NFKB1: variants seen among roughly 807,000 people sequenced by gnomAD.
NFKB1 encodes the protein nuclear factor NF-kappa-B p105 subunit.
NFKB1 carries 9 observed loss-of-function variants against 105.1 expected under a neutral mutation model. That is an observed-to-expected ratio of 0.09 (90% confidence interval 0.05 to 0.15). The LOEUF is 0.15. Ranked by LOEUF, NFKB1 falls within the 10% of genes least tolerant of loss-of-function variation. The pLI is 1.00. For synonymous variants in NFKB1, 440 were observed against 442.2 expected (o/e 1.00, Z 0.06); for missense variants, 830 against 1,203.7 (o/e 0.69, Z 4.59).
intron 20 of NFKB1, among the ~76,000 whole-genome samples, chr4:102,611,072 G>C (rs1728364313): frequency 6.6e-6 from 1 of 152,150 alleles, no homozygotes; most frequent in Admixed American, 6.5e-5. Flanking sequence ...GTGATTTCAG[G>C]ATGTAAAAAT....
chr4:102,578,923 C>A lies in NFKB1; in HGVS notation c.614C>A (p.Thr205Asn). The stretch of plus-strand genomic sequence containing the variant: ...ATCCGCCAAGCAGCTCTGCAGCAGA[C>A]CAAGGAGATGGACCTCAGCGTGGTG... Reference protein sequence around the residue: ...ELIRQAALQQTKEMDLSVVRL... With the variant: ...ELIRQAALQQNKEMDLSVVRL... Residue 205 changes from threonine (T) to asparagine (N), a missense_variant, in exon 8 of 24, where the codon ACC becomes AAC. Thr to Asn is a moderately conservative substitution (Grantham distance 65). This residue lies in a region of NFKB1 where 80 missense variants were observed against 122.6 expected (regional missense o/e 0.65). Transcript: ENST00000226574. 6.2e-7 allele frequency: 1 copy of A among 1,614,084 alleles called. No individual in the cohort carries two copies. Among genetic ancestry groups the A allele is most frequent in the Non-Finnish European group, 8.5e-7 (1 of 1,179,998 alleles).
intron 4 of NFKB1, chr4:102,537,593 C>T (rs1244231407): frequency 3.5e-6 from 1 of 285,052 alleles, no homozygotes; most frequent in African/African-American, 2.2e-5. Context: ...GATTACTCTC[C>T]ACACATGCAT....
In NFKB1 at chr4:102,617,117, A is replaced by AAAC. The variant is rs1295738630; in HGVS notation, c.*524_*525insACA. 34 of 152,196 alleles carry AAAC rather than the reference A, an allele frequency of 2.2e-4. No individual in the cohort carries two copies. The highest frequency in any genetic ancestry group is 7.5e-4 in the African/African-American group (31 of 41,186). The allele number at this position is 152,196 out of a possible 1,614,324, so 9.4% of individuals were successfully genotyped here. A position where few individuals can be genotyped will look rare whatever the true frequency, so the allele number is the denominator to read the frequency against. On this transcript the variant is annotated 3_prime_UTR_variant, in exon 24 of 24. Coordinates refer to ENST00000226574, the MANE Select transcript of NFKB1 (RefSeq NM_003998.4). ...GATTTGCAAAAAAAAAAAAAAAAAAAATACTTGTCAATATTTAAACATGGT... is the reference window on the plus strand; with the variant it reads ...GATTTGCAAAAAAAAAAAAAAAAAAAAACATACTTGTCAATATTTAAACATGGT...
intron 16 of NFKB1, among the ~76,000 whole-genome samples, chr4:102,604,208 CATAG>C (rs1235567891): frequency 6.6e-6 from 1 of 152,106 alleles, no homozygotes. Context: ...ACTTGAAATA[CATAG>C]ATATTTTCAT....
intron 11 of NFKB1, among the ~76,000 whole-genome samples, chr4:102,585,310 AG>A (rs1725628392): frequency 6.6e-6 from 1 of 152,224 alleles, no homozygotes; most frequent in South Asian, 2.1e-4. Context: ...AAGAGACAGT[AG>A]TATATTATTT....
intron 9 of NFKB1, among the ~76,000 whole-genome samples, chr4:102,581,028 A>G (rs1725280921): frequency 6.6e-6 from 1 of 152,182 alleles, no homozygotes; most frequent in Admixed American, 6.5e-5. Flanking sequence ...AATTGTTTTT[A>G]TTTCTTTTGC....
chr4:102,606,540 G>A lies in NFKB1; in HGVS notation c.1797G>A (p.Val599=), dbSNP rs1487612832. Residue 599 remains valine, a synonymous_variant, in exon 17 of 24, where the codon GTG becomes GTA. Coordinates refer to ENST00000226574, the MANE Select transcript of NFKB1 (RefSeq NM_003998.4). ...LAVITKQEDV[V]EDLLRAGADL... ...TGATCACTAAGCAGGAAGATGTGGT[G>A]GAGGATTTGCTGAGGGCTGGGGCCG... 1.2e-6 allele frequency: 2 copies of A among 1,614,054 alleles called. No homozygotes were observed. Among genetic ancestry groups the A allele is most frequent in the African/African-American group, 1.3e-5 (1 of 74,918 alleles).
rs539568200 is a variant in NFKB1, at chr4:102,560,510, A to G, written c.259-6477A>G. 2.0e-5 allele frequency among the ~76,000 whole-genome samples: 3 copies of G among 152,330 alleles called. No homozygotes were observed. The East Asian group carries it at 5.8e-4, about 29-fold the overall frequency. On this transcript the variant is annotated intron_variant, in intron 5 of 23. Transcript: ENST00000226574. ...ATGCTGTTGGTCATTCAAAAAGGGCACTAAACAAGGTGAAAGAATGTCAGT... is the reference window on the plus strand; with the variant it reads ...ATGCTGTTGGTCATTCAAAAAGGGCGCTAAACAAGGTGAAAGAATGTCAGT...
Position 102,582,900 on chromosome 4 carries a change from A to G in NFKB1, c.870A>G (p.Glu290=). The G allele has an allele frequency of 6.2e-7, 1 of 1,612,722 alleles. No homozygotes were observed. The highest frequency in any genetic ancestry group is 8.5e-7 in the Non-Finnish European group (1 of 1,179,066). The part of the protein sequence containing the change: ...DIQIRFYEEE[E]NGGVWEGFGD... ...AGATTCGATTTTATGAAGAGGAAGA[A>G]AATGGTGGAGTCTGGGAAGGATTTG... Residue 290 remains glutamate, a synonymous_variant, in exon 10 of 24, where the codon GAA becomes GAG. Transcript: ENST00000226574.
rs1304311474 is a variant in NFKB1 at position 102,616,709 on chromosome 4, T to G, written c.*115T>G. 1.9e-6 allele frequency: 2 copies of G among 1,059,512 alleles called. No individual in the cohort carries two copies. Among genetic ancestry groups the G allele is most frequent in the Non-Finnish European group, 2.7e-6 (2 of 747,410 alleles). The allele number at this position is 1,059,512 out of a possible 1,614,324, so 65.6% of individuals were successfully genotyped here. A position where few individuals can be genotyped will look rare whatever the true frequency, so the allele number is the denominator to read the frequency against. On this transcript the variant is annotated 3_prime_UTR_variant, in exon 24 of 24. Coordinates refer to ENST00000226574, the MANE Select transcript of NFKB1 (RefSeq NM_003998.4). ...TGCTCAGAGAGCCGGCCCGCCTGAATCATTCTCGATTTAACTCGAGACCTT... is the reference window on the plus strand; with the variant it reads ...TGCTCAGAGAGCCGGCCCGCCTGAAGCATTCTCGATTTAACTCGAGACCTT...
At chr4:102,604,641 G>C (rs1001197915) in intron 16 of NFKB1, among the ~76,000 whole-genome samples, 1 of 151,408 alleles carries the variant, frequency 6.6e-6, no homozygotes, top group African/African-American at 2.4e-5. Flanking sequence ...CTCCTGAAGA[G>C]AATCTAGTAT....
At chr4:102,603,429 T>C (rs572073694) in intron 16 of NFKB1, among the ~76,000 whole-genome samples, 2 of 152,234 alleles carry the variant, frequency 1.3e-5, no homozygotes, top group South Asian at 4.1e-4. Flanking sequence ...TGGTTACATA[T>C]GTTGAGACTC....
chr4:102,582,966 T>C lies in NFKB1; in HGVS notation c.927+9T>C, dbSNP rs755184019. Reference sequence around the variant, plus strand: ...CAGATGTTCATAGACAAGTAAGTGATTTATTATTATTATTAATCCTTATTA... The same window carrying C: ...CAGATGTTCATAGACAAGTAAGTGACTTATTATTATTATTAATCCTTATTA... On this transcript the variant is annotated intron_variant, in intron 10 of 23. Transcript: ENST00000226574. The C allele has an allele frequency of 1.3e-6, 2 of 1,553,020 alleles. No homozygotes were observed. Among genetic ancestry groups the C allele is most frequent in the Admixed American group, 1.7e-5 (1 of 59,716 alleles).
At chr4:102,530,196 T>G (rs912059098) in intron 3 of NFKB1, among the ~76,000 whole-genome samples, 1 of 152,164 alleles carries the variant, frequency 6.6e-6, no homozygotes, top group Non-Finnish European at 1.5e-5. Flanking sequence ...ATCTCTGTAT[T>G]CCTTTTAAGT....
rs765088459 is a variant in NFKB1, at chr4:102,607,344, T to C, written c.2124+25T>C. On this transcript the variant is annotated intron_variant, in intron 18 of 23. Transcript: ENST00000226574. ...GGTGAAGGGCACACTTATTTGCTTT[T>C]GCATTAAATTTCTGAGGGAGATTTA... 3.8e-6 allele frequency: 6 copies of C among 1,596,816 alleles called. No homozygotes were observed. In the African/African-American group the frequency reaches 5.4e-5, roughly 14 times the overall value.
intron 6 of NFKB1, among the ~76,000 whole-genome samples, chr4:102,568,730 C>T (rs1049144965): frequency 6.6e-6 from 1 of 152,078 alleles, no homozygotes; most frequent in Non-Finnish European, 1.5e-5. Context: ...TTAGAAAGAA[C>T]TAATGGTTAT....
At chr4:102,587,949 A>T (rs1047532416) in intron 11 of NFKB1, among the ~76,000 whole-genome samples, 1 of 152,218 alleles carries the variant, frequency 6.6e-6, no homozygotes, top group Non-Finnish European at 1.5e-5. Context: ...TACATTTCTC[A>T]GAAGTCATTG....
rs538491733 is a variant in NFKB1, at chr4:102,510,859, T to C, written c.-8+9071T>C. 62 of 1,075,072 alleles carry C rather than the reference T, an allele frequency of 5.8e-5. No individual in the cohort carries two copies. In the South Asian group the frequency reaches 9.7e-4, roughly 17 times the overall value. The allele number at this position is 1,075,072 out of a possible 1,614,324, so 66.6% of individuals were successfully genotyped here. A position where few individuals can be genotyped will look rare whatever the true frequency, so the allele number is the denominator to read the frequency against. On this transcript the variant is annotated intron_variant, in intron 1 of 23. Transcript: ENST00000226574. ...GGAGGTGGTGGTAGTATGAGCTGAA[T>C]CCTCCTCTGTTCCTTCCTAGAAGGA...
At position 102,502,390 on chromosome 4, in the gene NFKB1, G is replaced by GCACACA. The variant is rs754187388; in HGVS notation, c.-8+634_-8+639dup. 5.3e-3 allele frequency among the ~76,000 whole-genome samples: 562 copies of GCACACA among 105,312 alleles called. 7 individuals carry two copies. Among genetic ancestry groups the GCACACA allele is most frequent in the African/African-American group, 0.017 (419 of 23,956 alleles). 69.1% of individuals were successfully genotyped at this position (105,312 alleles called of 152,430 possible). Reference sequence around the variant, plus strand: ...CCCCCCTCCGTGCGCGCGCGCGCGCGCACACACACACACACACACACACAC... The same window carrying GCACACA: ...CCCCCCTCCGTGCGCGCGCGCGCGCGCACACACACACACACACACACACACACACAC... On this transcript the variant is annotated intron_variant, in intron 1 of 23. Coordinates refer to ENST00000226574, the MANE Select transcript of NFKB1 (RefSeq NM_003998.4).
Sources: allele counts gnomAD v4.1 joint callset (sites outside exome capture counted in the v4.1 genomes callset), GRCh38; gene constraint gnomAD v4.1.1; regional missense constraint gnomAD v4.1.1; transcripts MANE v1.5; gene names NCBI Gene and HGNC (gene_info 2026-07-23, HGNC 2026-07-21).